NOX3: variants seen among roughly 807,000 people sequenced by gnomAD.
The protein encoded by NOX3 is NADPH oxidase 3, also known as NADPH oxidase catalytic subunit-like 3.
Under a neutral mutation model 76.7 loss-of-function variants are expected in NOX3, and 74 were observed. The ratio of observed to expected loss-of-function variants is 0.96; its 90% CI spans 0.80 to 1.17. The LOEUF (loss-of-function observed/expected upper bound fraction) is 1.17. Ranked by LOEUF, NOX3 falls within the 50% of genes most tolerant of loss-of-function variation. The pLI is 0.00. For synonymous variants in NOX3, 263 were observed against 261.1 expected (o/e 1.01, Z -0.07); for missense variants, 695 against 703.3 (o/e 0.99, Z 0.13).
intron 4 of NOX3, among the ~76,000 whole-genome samples, chr6:155,449,634 C>T (rs1777109457): frequency 6.6e-6 from 1 of 152,154 alleles, no homozygotes; most frequent in African/African-American, 2.4e-5. Flanking sequence ...TTTGCCTCTT[C>T]CCTCCTCCTC....
intron 12 of NOX3, among the ~76,000 whole-genome samples, chr6:155,406,052 C>T (rs1322641762): frequency 6.6e-6 from 1 of 152,232 alleles, no homozygotes; most frequent in African/African-American, 2.4e-5. Flanking sequence ...GGCCTTGGCA[C>T]ATGCTCCAGT....
At chr6:155,449,108 T>G (rs1777101895) in intron 4 of NOX3, among the ~76,000 whole-genome samples, 2 of 152,290 alleles carry the variant, frequency 1.3e-5, no homozygotes, top group Admixed American at 1.3e-4. Flanking sequence ...GAAGAGTTTG[T>G]GCCTTTAGGG....
chr6:155,401,131 C>A (rs181949603), intron 12 of NOX3, among the ~76,000 whole-genome samples: 4 of 152,236 alleles, frequency 2.6e-5, no homozygotes, highest in African/African-American at 9.6e-5. Flanking sequence ...TAGGTAATGC[C>A]ATTGAAGAAA....
At chr6:155,406,352 A>G (rs1776458586) in intron 12 of NOX3, among the ~76,000 whole-genome samples, 1 of 152,184 alleles carries the variant, frequency 6.6e-6, no homozygotes, top group Admixed American at 6.6e-5. Flanking sequence ...AAGGTCACAC[A>G]GCCAGTAACT....
chr6:155,423,071 G>C (rs979874982), intron 9 of NOX3, among the ~76,000 whole-genome samples: 1 of 152,190 alleles, frequency 6.6e-6, no homozygotes, highest in Non-Finnish European at 1.5e-5. Flanking sequence ...TCCTGGCCCA[G>C]GCACTGTTCA....
rs1426035026 is a variant in NOX3, at chr6:155,410,879, G to C, written c.1455+335C>G. On this transcript the variant is annotated intron_variant, in intron 11 of 13. Coordinates refer to ENST00000159060, the MANE Select transcript of NOX3 (RefSeq NM_015718.3). Reference sequence around the variant, plus strand: ...ACAGAACCAGTCAGGAACTCAACAAGATGATACAGCCAATCAGTAATATTC... The same window carrying C: ...ACAGAACCAGTCAGGAACTCAACAACATGATACAGCCAATCAGTAATATTC... 3.3e-5 allele frequency among the ~76,000 whole-genome samples: 5 copies of C among 152,308 alleles called. No homozygotes were observed. In the South Asian group the frequency reaches 8.3e-4, roughly 25 times the overall value.
chr6:155,423,124 C>T (rs1162875541), intron 9 of NOX3, among the ~76,000 whole-genome samples: 13 of 152,146 alleles, frequency 8.5e-5, no homozygotes, highest in African/African-American at 7.2e-5. Flanking sequence ...GCTCAGGCCT[C>T]GTCCATGTGG....
In NOX3 at chr6:155,455,102, G is replaced by A; in HGVS notation, c.76C>T (p.Leu26=). The A allele has an allele frequency of 6.2e-7, 1 of 1,612,192 alleles. No homozygotes were observed. The highest frequency in any genetic ancestry group is 1.1e-5 in the South Asian group (1 of 90,796). Residue 26 remains leucine, a synonymous_variant, in exon 2 of 14, where the codon CTG becomes TTG. Transcript: ENST00000159060. ...TACCAGTAGAACGTGTCAATAAACAGATAAAAATTTATTCCCAGCCATGAG... is the reference window on the plus strand; with the variant it reads ...TACCAGTAGAACGTGTCAATAAACAAATAAAAATTTATTCCCAGCCATGAG... ...VLSWLGINFY[L]FIDTFYWYEE...
intron 10 of NOX3, among the ~76,000 whole-genome samples, chr6:155,416,134 G>A (rs1304555617): frequency 1.3e-5 from 2 of 152,194 alleles, no homozygotes; most frequent in Non-Finnish European, 2.9e-5. Flanking sequence ...CTTGACCATC[G>A]CCTCCTCAAG....
chr6:155,442,068 T>G (rs1042856141), intron 5 of NOX3, among the ~76,000 whole-genome samples: 3 of 152,070 alleles, frequency 2.0e-5, no homozygotes, highest in Non-Finnish European at 2.9e-5. Context: ...ATCAAGACCA[T>G]CCTGGCTAAC....
chr6:155,407,047 T>C, intron 12 of NOX3, 83 bp downstream of exon 12: 1 of 1,472,780 alleles, frequency 6.8e-7, no homozygotes, highest in Non-Finnish European at 9.5e-7. Flanking sequence ...TATACGGTAC[T>C]GCAGATTAAC....
chr6:155,423,743 C>CTTTTTTTTTTTTTTTTTTTTTT (rs528445827), intron 9 of NOX3, among the ~76,000 whole-genome samples: 1 of 137,560 alleles, frequency 7.3e-6, no homozygotes, highest in African/African-American at 2.7e-5. Context: ...TTTTCTTTTT[C>CTTTTTTTTTTTTTTTTTTTTTT]TTTTTTTTTT....
chr6:155,433,257 T>A (rs1776857654), intron 7 of NOX3, among the ~76,000 whole-genome samples: 1 of 152,188 alleles, frequency 6.6e-6, no homozygotes, highest in South Asian at 2.1e-4. Flanking sequence ...GTAGCCAGTG[T>A]CGTTACCTGT....
Position 155,454,875 on chromosome 6 carries a change from T to C in NOX3, c.191A>G (p.Asn64Ser). ...ARASALCLNF[N>S]CMLILIPVSR... Reference sequence around the variant, plus strand: ...GACAGGTATTAGAATTAGCATGCAGTTAAAATTCAGGCACAGTGCGGATGC... The same window carrying C: ...GACAGGTATTAGAATTAGCATGCAGCTAAAATTCAGGCACAGTGCGGATGC... Residue 64 changes from asparagine (N) to serine (S), a missense_variant, in exon 3 of 14, where the codon AAC becomes AGC. By Grantham distance (46) the Asn-to-Ser change is conservative. Coordinates refer to ENST00000159060, the MANE Select transcript of NOX3 (RefSeq NM_015718.3). The C allele has an allele frequency of 6.2e-7, 1 of 1,610,502 alleles. No homozygotes were observed.
At chr6:155,434,972 C>T (rs939990067) in intron 7 of NOX3, among the ~76,000 whole-genome samples, 9 of 152,106 alleles carry the variant, frequency 5.9e-5, no homozygotes, top group African/African-American at 1.2e-4. Flanking sequence ...TTGTAGAGAC[C>T]GAGTAGGTGT....
intron 10 of NOX3, among the ~76,000 whole-genome samples, chr6:155,414,231 T>TTCTTTCA (rs774031144): frequency 1.0e-3 from 157 of 152,318 alleles, no homozygotes; most frequent in Non-Finnish European, 2.0e-3. Context: ...TACTTTGACT[T>TTCTTTCA]TCTTTCATCT....
At chr6:155,405,344 G>A (rs576771414) in intron 12 of NOX3, among the ~76,000 whole-genome samples, 2 of 152,274 alleles carry the variant, frequency 1.3e-5, no homozygotes, top group Admixed American at 6.5e-5. Context: ...TGAGTGTCAC[G>A]TATTAAACTC....
At chr6:155,441,485 A>G (rs1776985285) in intron 5 of NOX3, among the ~76,000 whole-genome samples, 2 of 152,206 alleles carry the variant, frequency 1.3e-5, no homozygotes, top group Non-Finnish European at 2.9e-5. Context: ...TCTTTCTTGC[A>G]ACACATTTAT....
At chr6:155,442,897 A>G (rs1326267950) in intron 5 of NOX3, among the ~76,000 whole-genome samples, 8 of 152,202 alleles carry the variant, frequency 5.3e-5, no homozygotes, top group African/African-American at 1.9e-4. Context: ...CCAATTTATA[A>G]TCTCTGTGTT....
Sources: gnomAD v4.1 joint callset for allele counts (sites outside exome capture counted in the v4.1 genomes callset) on GRCh38, gnomAD v4.1.1 for gene constraint, MANE v1.5 for transcripts, NCBI Gene and HGNC (gene_info 2026-07-23, HGNC 2026-07-21) for gene names.